The following FMNL2 variants were observed in gnomAD, a reference collection of about 807,000 sequenced individuals.
The protein encoded by FMNL2 is formin-like protein 2.
A neutral mutation model predicts 130.2 loss-of-function variants in FMNL2; 51 were observed. The observed-to-expected ratio is 0.39, with a 90% confidence interval of 0.31 to 0.49. FMNL2 has a LOEUF of 0.49. Among genes scored for constraint, FMNL2 ranks in the 20% least tolerant of loss-of-function variants. The probability of loss-of-function intolerance (pLI) is 0.85; values close to 1 mark genes in which losing one functional copy is unlikely to be tolerated. For missense variants in FMNL2, 977 were observed against 1,316.2 expected (o/e 0.74, Z 3.99); for synonymous variants, 465 against 467.1 (o/e 1.00, Z 0.06).
intron 1 of FMNL2, among the ~76,000 whole-genome samples, chr2:152,454,995 G>GA (rs1205691820): frequency 6.6e-6 from 1 of 152,178 alleles, no homozygotes; most frequent in African/African-American, 2.4e-5. Context: ...ATGTCATTGA[G>GA]AGGGTCCCCA....
intron 1 of FMNL2, among the ~76,000 whole-genome samples, chr2:152,438,936 A>C (rs995009436): frequency 2.0e-5 from 3 of 152,188 alleles, no homozygotes; most frequent in Non-Finnish European, 4.4e-5. Context: ...CTAGTACCCG[A>C]GATTAGGAAA....
intron 1 of FMNL2, among the ~76,000 whole-genome samples, chr2:152,510,313 T>C (rs12471183): frequency 0.39 from 59,745 of 152,050 alleles, 14,041 homozygotes; most frequent in Non-Finnish European, 0.54. Flanking sequence ...AGATACTTTA[T>C]TGGGGTACTG....
chr2:152,491,276 G>A (rs1691172619), intron 1 of FMNL2, among the ~76,000 whole-genome samples: 1 of 152,202 alleles, frequency 6.6e-6, no homozygotes, highest in Non-Finnish European at 1.5e-5. Context: ...ACTATCTGAG[G>A]AGTGAGGTCT....
chr2:152,594,623 A>G (rs542721980), intron 9 of FMNL2, among the ~76,000 whole-genome samples: 1 of 152,238 alleles, frequency 6.6e-6, no homozygotes, highest in Admixed American at 6.5e-5. Context: ...ACTGTTGAGG[A>G]CTTGTCTGTG....
At chr2:152,614,724 CAG>C (rs1187104853) in intron 11 of FMNL2, 125 bp from the exon 12 acceptor site, 91 of 757,546 alleles carry the variant, frequency 1.2e-4, no homozygotes, top group Non-Finnish European at 1.6e-4. Context: ...GCCTGGGTGA[CAG>C]AGTGAAACTC....
intron 1 of FMNL2, chr2:152,390,092 A>G: frequency 6.9e-7 from 1 of 1,456,932 alleles, no homozygotes; most frequent in Non-Finnish European, 9.6e-7. Context: ...AGAAGGAGGA[A>G]GATGAGGAGG....
At chr2:152,385,961 A>G (rs2105910747) in intron 1 of FMNL2, among the ~76,000 whole-genome samples, 1 of 152,264 alleles carries the variant, frequency 6.6e-6, no homozygotes, top group Middle Eastern at 3.4e-3. Flanking sequence ...CCTCTCCTGG[A>G]TATGCTGTCT....
intron 6 of FMNL2, among the ~76,000 whole-genome samples, chr2:152,566,488 G>A (rs1479788469): frequency 6.6e-6 from 1 of 152,138 alleles, no homozygotes; most frequent in African/African-American, 2.4e-5. Flanking sequence ...AGTAAGTGAA[G>A]GAGGCAGGAT....
chr2:152,364,462 T>C (rs536819738), intron 1 of FMNL2, among the ~76,000 whole-genome samples: 1 of 152,296 alleles, frequency 6.6e-6, no homozygotes, highest in East Asian at 1.9e-4. Context: ...GTTGTCATGA[T>C]ATTAGCCAGA....
intron 9 of FMNL2, among the ~76,000 whole-genome samples, chr2:152,602,654 A>G (rs1334862584): frequency 6.6e-6 from 1 of 152,210 alleles, no homozygotes; most frequent in East Asian, 1.9e-4. Context: ...CTTTTTTATT[A>G]AAAAGTTTTT....
intron 1 of FMNL2, among the ~76,000 whole-genome samples, chr2:152,434,338 A>G (rs2106102917): frequency 6.6e-6 from 1 of 152,334 alleles, no homozygotes; most frequent in East Asian, 1.9e-4. Context: ...AGGCATTAGC[A>G]TTGCATATGA....
At chr2:152,517,179 G>A (rs1558930655) in intron 1 of FMNL2, among the ~76,000 whole-genome samples, 1 of 151,740 alleles carries the variant, frequency 6.6e-6, no homozygotes, top group Non-Finnish European at 1.5e-5. Flanking sequence ...TTTCCCCCGT[G>A]AGTTTTTTTT....
In FMNL2 at chr2:152,581,918, C is replaced by T. The variant is rs557015205; in HGVS notation, c.876+869C>T. On this transcript the variant is annotated intron_variant, in intron 9 of 25. Coordinates refer to ENST00000288670, the MANE Select transcript of FMNL2 (RefSeq NM_052905.4). Reference sequence around the variant, plus strand: ...ACCCGAGCTGGATTAAAATCCAGGTCACAGAGGGACTGTTTTCTCTCCTCT... The same window carrying T: ...ACCCGAGCTGGATTAAAATCCAGGTTACAGAGGGACTGTTTTCTCTCCTCT... Among the ~76,000 whole-genome samples, 609 of 152,250 alleles carry T rather than the reference C, an allele frequency of 4.0e-3. 1 individual carries two copies. Among genetic ancestry groups the T allele is most frequent in the Non-Finnish European group, 6.9e-3 (471 of 68,026 alleles).
chr2:152,411,196 A>T (rs1686272423), intron 1 of FMNL2, among the ~76,000 whole-genome samples: 1 of 152,210 alleles, frequency 6.6e-6, no homozygotes, highest in Non-Finnish European at 1.5e-5. Context: ...ACAGAAGCAG[A>T]TAAGATTTTT....
At chr2:152,489,934 C>T (rs945652542) in intron 1 of FMNL2, among the ~76,000 whole-genome samples, 1 of 152,044 alleles carries the variant, frequency 6.6e-6, no homozygotes, top group Non-Finnish European at 1.5e-5. Flanking sequence ...GAAACTGTTG[C>T]CACTAGGGGA....
chr2:152,506,534 T>C lies in FMNL2; in HGVS notation c.118-15409T>C, dbSNP rs572125514. Among the ~76,000 whole-genome samples, 192 of 152,374 alleles carry C rather than the reference T, an allele frequency of 1.3e-3. 7 individuals carry two copies. The South Asian group carries it at 0.039, about 31-fold the overall frequency. The stretch of plus-strand genomic sequence containing the variant: ...ATGTTCAGTACAGATGCATTTTTTT[T>C]CAAATATTTTTGATCCATGGTTGGT... On this transcript the variant is annotated intron_variant, in intron 1 of 25. Transcript: ENST00000288670.
intron 1 of FMNL2, among the ~76,000 whole-genome samples, chr2:152,488,360 G>A (rs1197143734): frequency 6.6e-6 from 1 of 152,202 alleles, no homozygotes; most frequent in African/African-American, 2.4e-5. Flanking sequence ...CCGCAAATAA[G>A]CTTTTTAGCT....
chr2:152,372,084 G>A (rs1318258531), intron 1 of FMNL2, among the ~76,000 whole-genome samples: 2 of 152,216 alleles, frequency 1.3e-5, no homozygotes, highest in African/African-American at 2.4e-5. Flanking sequence ...CATGTCGGGT[G>A]TAGTATATGG....
chr2:152,375,865 C>CTA (rs1407414512), intron 1 of FMNL2, among the ~76,000 whole-genome samples: 1 of 112,528 alleles, frequency 8.9e-6, no homozygotes, highest in African/African-American at 3.4e-5. Flanking sequence ...CTCTCTCTCT[C>CTA]TCTCTCTCTC....
Sources: gnomAD v4.1 joint callset for allele counts (sites outside exome capture counted in the v4.1 genomes callset) on GRCh38, gnomAD v4.1.1 for gene constraint, MANE v1.5 for transcripts, NCBI Gene and HGNC (gene_info 2026-07-23, HGNC 2026-07-21) for gene names.